Variants in CDH18 observed in about 807,000 individuals in gnomAD.
CDH18 encodes cadherin 18.
In CDH18, 31 loss-of-function variants were observed where a neutral mutation model predicts 67.9. The observed-to-expected ratio is 0.46, with a 90% CI of 0.34 to 0.62. The LOEUF (loss-of-function observed/expected upper bound fraction) is 0.62, where lower values mean the gene tolerates loss of function less well. CDH18 is among the 20% of genes least tolerant of loss of function. CDH18 has a pLI of 0.01. For synonymous variants in CDH18, 362 were observed against 347.2 expected (o/e 1.04, Z -0.48); for missense variants, 890 against 975.5 (o/e 0.91, Z 1.17).
intron 8 of CDH18, among the ~76,000 whole-genome samples, chr5:19,554,254 T>C (rs1737980933): frequency 6.6e-6 from 1 of 152,208 alleles, no homozygotes; most frequent in Non-Finnish European, 1.5e-5. Context: ...TGTTTCTTCC[T>C]GGTATTTATG....
Position 20,447,894 on chromosome 5 carries a change from A to AT in CDH18, c.-580+127567dup, listed in dbSNP as rs573268473. 5.9e-4 allele frequency among the ~76,000 whole-genome samples: 90 copies of AT among 151,374 alleles called. 1 individual carries two copies. In the South Asian group the frequency reaches 7.3e-3, roughly 12 times the overall value. ...TCTTTGAGATCTCTTATTTTATTTT[A>AT]TTTTTTTTAATATTTCTTTTTATTA... is the stretch of plus-strand genomic sequence containing the variant. On this transcript the variant is annotated intron_variant, in intron 1 of 14. Coordinates refer to the CDH18 transcript ENST00000507958.
In CDH18 at chr5:19,773,230, A is replaced by G. The variant is rs895410713; in HGVS notation, c.229-25994T>C. Among the ~76,000 whole-genome samples the G allele has an allele frequency of 1.3e-5, 2 of 152,302 alleles. 1 individual carries two copies. The highest frequency in any genetic ancestry group is 2.9e-5 in the Non-Finnish European group (2 of 68,000). On this transcript the variant is annotated intron_variant, in intron 3 of 12. Transcript: ENST00000382275. ...ACGTGGAAATCCAAAGACAAATGGAATATCATTCAGAACAAGATCACATCA... is the reference window on the plus strand; with the variant it reads ...ACGTGGAAATCCAAAGACAAATGGAGTATCATTCAGAACAAGATCACATCA...
At chr5:19,883,808 C>T (rs76056634) in intron 2 of CDH18, among the ~76,000 whole-genome samples, 14 of 151,950 alleles carry the variant, frequency 9.2e-5, no homozygotes, top group East Asian at 3.9e-4. Flanking sequence ...CAAGGATAGA[C>T]GAGAGTTTAC....
intron 9 of CDH18, among the ~76,000 whole-genome samples, chr5:19,528,077 C>T (rs137941305): frequency 1.2e-4 from 18 of 151,770 alleles, no homozygotes; most frequent in East Asian, 5.8e-4. Flanking sequence ...ATAAAGTAAA[C>T]GAAAAATATG....
chr5:19,778,873 CCT>C (rs748067106), intron 3 of CDH18, among the ~76,000 whole-genome samples: 14 of 152,182 alleles, frequency 9.2e-5, no homozygotes, highest in South Asian at 4.2e-4. Flanking sequence ...CTCTGCAGCC[CCT>C]GTTTCCTTTT....
intron 3 of CDH18, among the ~76,000 whole-genome samples, chr5:19,804,855 A>G (rs1777868910): frequency 6.6e-6 from 1 of 152,168 alleles, no homozygotes; most frequent in Non-Finnish European, 1.5e-5. Context: ...ATTCTTGAAT[A>G]TGGCTCAGCC....
chr5:19,486,672 A>G (rs1740456109), intron 11 of CDH18, among the ~76,000 whole-genome samples: 1 of 152,088 alleles, frequency 6.6e-6, no homozygotes, highest in Admixed American at 6.6e-5. Context: ...GGGCGCCTAT[A>G]ATCTCAGCTA....
intron 8 of CDH18, among the ~76,000 whole-genome samples, chr5:19,548,885 G>C (rs1447850345): frequency 6.6e-6 from 1 of 151,806 alleles, no homozygotes; most frequent in African/African-American, 2.4e-5. Flanking sequence ...CGAGTAGCTG[G>C]ATTACAGGCG....
intron 1 of CDH18, among the ~76,000 whole-genome samples, chr5:20,387,844 G>T (rs921726707): frequency 5.3e-5 from 8 of 151,076 alleles, no homozygotes; most frequent in Non-Finnish European, 7.4e-5. Flanking sequence ...TTTGTCATTG[G>T]TTCTGTTTAT....
At chr5:19,581,346 T>C (rs1191851471) in intron 7 of CDH18, among the ~76,000 whole-genome samples, 1 of 152,026 alleles carries the variant, frequency 6.6e-6, no homozygotes, top group African/African-American at 2.4e-5. Flanking sequence ...TTCATATTAC[T>C]ATAGTTAGTT....
intron 1 of CDH18, among the ~76,000 whole-genome samples, chr5:20,299,801 G>GCTCAATACTTCTGGCTCAAATA (rs1189829068): frequency 2.0e-5 from 3 of 150,378 alleles, no homozygotes; most frequent in Non-Finnish European, 4.4e-5. Flanking sequence ...GAATACTTGT[G>GCTCAATACTTCTGGCTCAAATA]CTTATGGCTC....
At chr5:20,142,425 C>T (rs1385105925) in intron 2 of CDH18, among the ~76,000 whole-genome samples, 1 of 151,666 alleles carries the variant, frequency 6.6e-6, no homozygotes, top group Non-Finnish European at 1.5e-5. Context: ...ACTGAAAATA[C>T]AAAAATTGGC....
chr5:20,021,651 C>T (rs929078315), intron 2 of CDH18, among the ~76,000 whole-genome samples: 7 of 152,126 alleles, frequency 4.6e-5, no homozygotes, highest in African/African-American at 1.7e-4. Context: ...AAGGCATTTC[C>T]TGCTTTCCCT....
At chr5:19,618,485 C>T (rs1169037953) in intron 5 of CDH18, among the ~76,000 whole-genome samples, 1 of 152,162 alleles carries the variant, frequency 6.6e-6, no homozygotes, top group East Asian at 1.9e-4. Context: ...GGATTACAGG[C>T]ACGAGCCACC....
At chr5:19,699,547 G>A (rs78932347) in intron 5 of CDH18, among the ~76,000 whole-genome samples, 5,989 of 151,966 alleles carry the variant, frequency 0.039, 385 homozygotes, top group African/African-American at 0.14. Context: ...AAGCCCTCAC[G>A]AATGGGATCA....
intron 2 of CDH18, among the ~76,000 whole-genome samples, chr5:19,951,390 T>A (rs1458857673): frequency 2.6e-5 from 4 of 152,166 alleles, no homozygotes; most frequent in African/African-American, 9.6e-5. Context: ...GCTTTAGTAT[T>A]TGTATTTTCT....
chr5:20,512,357 G>A (rs1755088858), intron 1 of CDH18, among the ~76,000 whole-genome samples: 1 of 151,912 alleles, frequency 6.6e-6, no homozygotes, highest in African/African-American at 2.4e-5. Context: ...CCTTATGTTT[G>A]TTCACATTTT....
intron 2 of CDH18, among the ~76,000 whole-genome samples, chr5:19,922,919 T>TACC: frequency 6.6e-6 from 1 of 152,122 alleles, no homozygotes; most frequent in Non-Finnish European, 1.5e-5. Flanking sequence ...TATATATTCG[T>TACC]TTAATATCTC....
intron 5 of CDH18, among the ~76,000 whole-genome samples, chr5:19,679,860 T>C (rs1351943577): frequency 6.6e-6 from 1 of 152,026 alleles, no homozygotes; most frequent in Non-Finnish European, 1.5e-5. Flanking sequence ...AAAATGGCCA[T>C]ACTGCTCAAA....
Sources: allele counts gnomAD v4.1 joint callset (sites outside exome capture counted in the v4.1 genomes callset), GRCh38; gene constraint gnomAD v4.1.1; transcripts MANE v1.5; gene names NCBI Gene and HGNC (gene_info 2026-07-23, HGNC 2026-07-21).